The following CFTR variants were observed in gnomAD, a reference collection of about 807,000 sequenced individuals.
CFTR encodes the protein CF transmembrane conductance regulator, also known as cystic fibrosis transmembrane conductance regulator.
Under a neutral mutation model 171.6 loss-of-function variants are expected in CFTR, and 181 were observed. The ratio of observed to expected loss-of-function variants is 1.05; its 90% CI spans 0.93 to 1.19. CFTR has a LOEUF of 1.19. CFTR is among the 50% of genes most tolerant of loss of function. The pLI is 0.00. For missense variants in CFTR, 1,968 were observed against 1,734.7 expected, an observed-to-expected ratio of 1.13 and a Z score of -2.39; for synonymous variants, 583 against 608.0, an observed-to-expected ratio of 0.96 and a Z score of 0.60.
chr7:117,485,206 A>G (rs1372816760), intron 1 of CFTR, among the ~76,000 whole-genome samples: 1 of 152,232 alleles, frequency 6.6e-6, no homozygotes, highest in Non-Finnish European at 1.5e-5. Context: ...ATATAAGTAT[A>G]GTATTGCAAA....
intron 1 of CFTR, among the ~76,000 whole-genome samples, chr7:117,490,462 A>T (rs1248889076): frequency 6.6e-6 from 1 of 151,706 alleles, no homozygotes; most frequent in African/African-American, 2.4e-5. Flanking sequence ...TTCCAGTTTG[A>T]GTCTGAAGGC....
rs1282745312 is a variant in CFTR at position 117,540,027 on chromosome 7, C to T, written c.870-73C>T. 1.1e-5 allele frequency: 14 copies of T among 1,293,716 alleles called. No individual in the cohort carries two copies. The South Asian group carries it at 1.5e-4, about 14-fold the overall frequency. 80.1% of individuals were successfully genotyped at this position (1,293,716 alleles called of 1,614,324 possible). The stretch of plus-strand genomic sequence containing the variant: ...AAGACTCTAGAGACCATGCTCAGAT[C>T]TTCCATTCCAAGATCCCTGATATTT... On this transcript the variant is annotated intron_variant, in intron 7 of 26. Transcript: ENST00000003084.
chr7:117,501,062 A>G (rs981220302), intron 1 of CFTR, among the ~76,000 whole-genome samples: 1 of 152,164 alleles, frequency 6.6e-6, no homozygotes, highest in African/African-American at 2.4e-5. Context: ...GAGATTGAGG[A>G]GATTTATTTT....
intron 15 of CFTR, among the ~76,000 whole-genome samples, chr7:117,596,549 C>T (rs1390740183): frequency 1.3e-5 from 2 of 152,260 alleles, no homozygotes. Context: ...GTGCGGGATC[C>T]ACTGGGTGAA....
At chr7:117,584,701 T>A (rs1246237502) in intron 11 of CFTR, among the ~76,000 whole-genome samples, 2 of 152,266 alleles carry the variant, frequency 1.3e-5, no homozygotes, top group African/African-American at 4.8e-5. Flanking sequence ...TCTAGTTCTG[T>A]GAAGAATTAT....
intron 11 of CFTR, among the ~76,000 whole-genome samples, chr7:117,587,033 A>G (rs912989457): frequency 6.6e-6 from 1 of 152,198 alleles, no homozygotes; most frequent in African/African-American, 2.4e-5. Context: ...AATGCCTAGG[A>G]GTCAAGGACT....
Position 117,645,303 on chromosome 7 carries a change from A to G in CFTR, c.3873+2710A>G, listed in dbSNP as rs1584839282. Among the ~76,000 whole-genome samples the G allele has an allele frequency of 2.0e-5, 3 of 152,338 alleles. No individual in the cohort carries two copies. The East Asian group carries it at 5.8e-4, about 29-fold the overall frequency. On this transcript the variant is annotated intron_variant, in intron 23 of 26. Transcript: ENST00000003084. ...TTCTGTGGTTACATAAAAGATATAC[A>G]TAGCACTTGTCCTTGATCTGTCACA...
chr7:117,578,408 T>A (rs1791802455), intron 11 of CFTR, among the ~76,000 whole-genome samples: 3 of 152,180 alleles, frequency 2.0e-5, no homozygotes, highest in Admixed American at 2.0e-4. Context: ...TAGTATATAA[T>A]ACATATAACA....
At chr7:117,594,453 A>G (rs1020010448) in intron 14 of CFTR, among the ~76,000 whole-genome samples, 1 of 152,198 alleles carries the variant, frequency 6.6e-6, no homozygotes, top group African/African-American at 2.4e-5. Context: ...AGAAAGTCCT[A>G]AGTTACTAAG....
intron 22 of CFTR, 126 bp downstream of exon 22, chr7:117,627,896 A>G (rs559990348): frequency 2.0e-6 from 2 of 1,006,988 alleles, no homozygotes; most frequent in South Asian, 2.6e-5. Context: ...AATATTAAAC[A>G]CACATGTTTT....
intron 21 of CFTR, among the ~76,000 whole-genome samples, chr7:117,617,132 G>A (rs1222847323): frequency 3.3e-5 from 5 of 152,130 alleles, no homozygotes; most frequent in Non-Finnish European, 7.4e-5. Flanking sequence ...AGTAAACAAG[G>A]TGTTTAGTTT....
At chr7:117,494,534 T>C (rs1218625409) in intron 1 of CFTR, among the ~76,000 whole-genome samples, 1 of 152,118 alleles carries the variant, frequency 6.6e-6, no homozygotes, top group African/African-American at 2.4e-5. Context: ...AATCAAGTAC[T>C]TTAATTCCAA....
chr7:117,552,671 C>CT (rs1350115491), intron 10 of CFTR, among the ~76,000 whole-genome samples: 3 of 152,062 alleles, frequency 2.0e-5, no homozygotes, highest in African/African-American at 7.2e-5. Context: ...ATCCAGGTAA[C>CT]TTTTTTTAGT....
At chr7:117,643,785 T>C (rs34201995) in intron 23 of CFTR, among the ~76,000 whole-genome samples, 5,547 of 152,238 alleles carry the variant, frequency 0.036, 138 homozygotes, top group African/African-American at 0.047. Flanking sequence ...ACCTAAGTCT[T>C]GTGGTCCCAT....
At position 117,559,576 on chromosome 7, in the gene CFTR, T is replaced by C. The variant is rs397508222; in HGVS notation, c.1505T>C (p.Ile502Thr). Residue 502 changes from isoleucine to threonine, a missense_variant, in exon 11 of 27, where the codon ATT (isoleucine) becomes ACT (threonine). Transcript: ENST00000003084. ...TTTTCCTGGATTATGCCTGGCACCATTAAAGAAAATATCATCTTTGGTGTT... is the reference window on the plus strand; with the variant it reads ...TTTTCCTGGATTATGCCTGGCACCACTAAAGAAAATATCATCTTTGGTGTT... ...SQFSWIMPGT[I>T]KENIIFGVSY... 2.5e-6 allele frequency: 4 copies of C among 1,612,704 alleles called. No homozygotes were observed. Among genetic ancestry groups the C allele is most frequent in the South Asian group, 2.2e-5 (2 of 91,044 alleles).
At chr7:117,588,221 C>T (rs367645583) in intron 12 of CFTR, among the ~76,000 whole-genome samples, 8 of 152,148 alleles carry the variant, frequency 5.3e-5, no homozygotes, top group African/African-American at 1.9e-4. Flanking sequence ...TATAGATAAA[C>T]ATACATTTTC....
chr7:117,508,453 CAA>C (rs752531258), intron 2 of CFTR, among the ~76,000 whole-genome samples: 9 of 152,118 alleles, frequency 5.9e-5, no homozygotes, highest in Non-Finnish European at 8.8e-5. Flanking sequence ...TCTCATTTTT[CAA>C]AGACCTTTAA....
In CFTR at chr7:117,521,458, T is replaced by G. The variant is rs1798684326; in HGVS notation, c.274-9441T>G. 2.0e-5 allele frequency among the ~76,000 whole-genome samples: 3 copies of G among 152,106 alleles called. No homozygotes were observed. The South Asian group carries it at 6.2e-4, about 31-fold the overall frequency. On this transcript the variant is annotated intron_variant, in intron 3 of 26. Transcript: ENST00000003084. ...AAGAAATCCTTTTTCAGGTTAATAA[T>G]GTATCTTTATATTCAAGTTTATTAA...
At chr7:117,633,414 A>G (rs965210524) in intron 22 of CFTR, among the ~76,000 whole-genome samples, 5 of 152,000 alleles carry the variant, frequency 3.3e-5, no homozygotes, top group Admixed American at 1.3e-4. Context: ...TTTTTGGTCA[A>G]TTATTTTGAA....
Sources: allele counts gnomAD v4.1 joint callset (sites outside exome capture counted in the v4.1 genomes callset), GRCh38; gene constraint gnomAD v4.1.1; transcripts MANE v1.5; gene names NCBI Gene and HGNC (gene_info 2026-07-23, HGNC 2026-07-21).